Variants in COL6A6 observed in about 807,000 individuals in gnomAD.
COL6A6 encodes the protein collagen type VI alpha 6 chain.
In COL6A6, 183 loss-of-function variants were observed where a neutral mutation model predicts 208.6. The observed-to-expected ratio is 0.88, with a 90% confidence interval of 0.78 to 0.99. COL6A6 has a LOEUF of 0.99. Ranked by LOEUF, COL6A6 falls within the 50% of genes least tolerant of loss-of-function variation. The pLI, the probability that COL6A6 is intolerant of heterozygous loss-of-function variation, is 0.00. For missense variants in COL6A6, 2,816 were observed against 2,815.2 expected (o/e 1.00, Z -0.01); for synonymous variants, 973 against 1,011.8 (o/e 0.96, Z 0.73).
chr3:130,625,229 C>T (rs993103628), intron 24 of COL6A6, among the ~76,000 whole-genome samples: 4 of 152,198 alleles, frequency 2.6e-5, no homozygotes, highest in African/African-American at 7.2e-5. Flanking sequence ...ATATAGAATC[C>T]TATTCTTCGT....
At chr3:130,600,367 A>G (rs139078723) in intron 20 of COL6A6, among the ~76,000 whole-genome samples, 2 of 152,350 alleles carry the variant, frequency 1.3e-5, no homozygotes, top group African/African-American at 4.8e-5. Context: ...ATTACTGGGC[A>G]TATACCAAAA....
intron 28 of COL6A6, among the ~76,000 whole-genome samples, chr3:130,638,512 CT>C (rs2065220067): frequency 6.6e-6 from 1 of 152,174 alleles, no homozygotes; most frequent in Non-Finnish European, 1.5e-5. Flanking sequence ...TTCCCTTTGC[CT>C]CTCTTCTGCG....
intron 18 of COL6A6, among the ~76,000 whole-genome samples, chr3:130,597,045 ATG>A (rs2063871636): frequency 6.6e-6 from 1 of 152,198 alleles, no homozygotes; most frequent in African/African-American, 2.4e-5. Context: ...GTTCTGTAAA[ATG>A]TGCTGGTATA....
At position 130,581,551 on chromosome 3, in the gene COL6A6, T is replaced by C. The variant is rs1300172209; in HGVS notation, c.3548-10T>C. ...GATTTATTAAGACATGCTTTTCCTTTGAATCCTAGACTGTTTCGTGGATGT... is the reference window on the plus strand; with the variant it reads ...GATTTATTAAGACATGCTTTTCCTTCGAATCCTAGACTGTTTCGTGGATGT... On this transcript the variant is annotated splice_polypyrimidine_tract_variant and intron_variant, in intron 8 of 36. Coordinates refer to ENST00000358511, the MANE Select transcript of COL6A6 (RefSeq NM_001102608.3). 5.1e-6 allele frequency: 8 copies of C among 1,569,530 alleles called. No individual in the cohort carries two copies. The East Asian group carries it at 1.8e-4, about 35-fold the overall frequency.
intron 1 of COL6A6, among the ~76,000 whole-genome samples, chr3:130,524,969 CA>C (rs1204057399): frequency 2.0e-5 from 3 of 152,206 alleles, no homozygotes; most frequent in Admixed American, 6.5e-5. Context: ...GGTGGGTCTT[CA>C]AATACTCCAA....
intron 25 of COL6A6, among the ~76,000 whole-genome samples, chr3:130,626,982 T>C (rs1576356398): frequency 6.6e-6 from 1 of 152,170 alleles, no homozygotes; most frequent in African/African-American, 2.4e-5. Flanking sequence ...AGAAGTGTTA[T>C]CAGGGAGAGG....
rs571322473 is a variant in COL6A6, at chr3:130,525,129, C to A, written c.-32+7732C>A. On this transcript the variant is annotated intron_variant, in intron 1 of 36. Transcript: ENST00000358511. ...CATCAATTGCTCAAATCACAGCTGGCCAATGAAAGAGATTTGAATTCTGGA... is the reference window on the plus strand; with the variant it reads ...CATCAATTGCTCAAATCACAGCTGGACAATGAAAGAGATTTGAATTCTGGA... 2.7e-5 allele frequency among the ~76,000 whole-genome samples: 4 copies of A among 150,048 alleles called. No individual in the cohort carries two copies. The East Asian group carries it at 7.7e-4, about 29-fold the overall frequency.
At chr3:130,616,546 A>G (rs1341706592) in intron 23 of COL6A6, among the ~76,000 whole-genome samples, 6 of 93,424 alleles carry the variant, frequency 6.4e-5, no homozygotes, top group Non-Finnish European at 1.1e-4. Context: ...AATTTAATCA[A>G]TGCCTGAAAA....
At chr3:130,576,683 A>G (rs1282241606) in intron 8 of COL6A6, among the ~76,000 whole-genome samples, 2 of 152,194 alleles carry the variant, frequency 1.3e-5, no homozygotes, top group Non-Finnish European at 2.9e-5. Context: ...AATAAGAAAA[A>G]TACTCTATAT....
intron 8 of COL6A6, among the ~76,000 whole-genome samples, chr3:130,575,505 A>C (rs1442441824): frequency 6.6e-6 from 1 of 152,166 alleles, no homozygotes; most frequent in South Asian, 2.1e-4. Context: ...TAATATGTCC[A>C]TCCCAGTGTA....
chr3:130,661,515 A>C, intron 34 of COL6A6, 122 bp from the exon 35 acceptor site: 2 of 743,204 alleles, frequency 2.7e-6, no homozygotes, highest in South Asian at 2.1e-5. Context: ...TGTTACTATT[A>C]AAGTATTTAG....
At chr3:130,526,826 T>C (rs2061971464) in intron 1 of COL6A6, among the ~76,000 whole-genome samples, 1 of 151,120 alleles carries the variant, frequency 6.6e-6, no homozygotes, top group South Asian at 2.1e-4. Context: ...AAAAAAAAAG[T>C]CTGTTTTTAC....
intron 1 of COL6A6, among the ~76,000 whole-genome samples, chr3:130,548,367 A>G (rs111691310): frequency 2.6e-5 from 4 of 152,272 alleles, no homozygotes; most frequent in African/African-American, 9.6e-5. Flanking sequence ...TATGAATTCC[A>G]CAAGTGCTTC....
intron 8 of COL6A6, among the ~76,000 whole-genome samples, chr3:130,577,661 A>G (rs895318408): frequency 4.6e-5 from 7 of 152,228 alleles, no homozygotes; most frequent in African/African-American, 1.7e-4. Flanking sequence ...CTGAATCCCA[A>G]GTGTGAGAGA....
intron 1 of COL6A6, among the ~76,000 whole-genome samples, chr3:130,542,740 C>T (rs1285292512): frequency 6.6e-6 from 1 of 152,068 alleles, no homozygotes; most frequent in East Asian, 1.9e-4. Context: ...ATTATTATGT[C>T]TTCTTGGAGA....
intron 10 of COL6A6, 94 bp from the exon 11 acceptor site, chr3:130,586,412 G>A: frequency 9.0e-7 from 1 of 1,107,792 alleles, no homozygotes; most frequent in Non-Finnish European, 1.3e-6. Flanking sequence ...TCTTCTTGCA[G>A]CTGTTCACTG....
At chr3:130,654,788 G>T (rs374545876) in intron 33 of COL6A6, among the ~76,000 whole-genome samples, 5 of 152,204 alleles carry the variant, frequency 3.3e-5, no homozygotes, top group African/African-American at 1.2e-4. Context: ...AGAGACCGGG[G>T]TCTTATTATT....
chr3:130,648,749 G>A (rs900817671), intron 32 of COL6A6, among the ~76,000 whole-genome samples: 5 of 152,118 alleles, frequency 3.3e-5, no homozygotes, highest in Non-Finnish European at 5.9e-5. Context: ...ACTTTTGATC[G>A]AGTCTCTGCA....
chr3:130,673,219 A>AAAAAAAAAAACC (rs1286015100), intron 36 of COL6A6, among the ~76,000 whole-genome samples: 5 of 109,630 alleles, frequency 4.6e-5, no homozygotes, highest in African/African-American at 2.9e-4. Flanking sequence ...AAAAAAAACA[A>AAAAAAAAAAACC]AAAAAAAAAA....
Sources: allele counts gnomAD v4.1 joint callset (sites outside exome capture counted in the v4.1 genomes callset), GRCh38; gene constraint gnomAD v4.1.1; transcripts MANE v1.5; gene names NCBI Gene and HGNC (gene_info 2026-07-23, HGNC 2026-07-21).